LRRC4C: variants seen among roughly 807,000 people sequenced by gnomAD.
LRRC4C encodes leucine-rich repeat-containing protein 4C.
A neutral mutation model predicts 33.6 loss-of-function variants in LRRC4C; 5 were observed. That is an observed-to-expected ratio of 0.15 (90% CI 0.08 to 0.31). The LOEUF is 0.31. Ranked by LOEUF, LRRC4C falls within the 10% of genes least tolerant of loss-of-function variation. The pLI is 1.00. For synonymous variants in LRRC4C, 329 were observed against 302.0 expected, an observed-to-expected ratio of 1.09 and a Z score of -0.93; for missense variants, 560 against 796.7, an observed-to-expected ratio of 0.70 and a Z score of 3.58.
intron 3 of LRRC4C, among the ~76,000 whole-genome samples, chr11:40,351,371 T>C (rs2137083654): frequency 6.6e-6 from 1 of 152,162 alleles, no homozygotes; most frequent in African/African-American, 2.4e-5. Flanking sequence ...GAATGTGCAT[T>C]CTGCAGCTAC....
At chr11:40,468,581 C>T (rs916325704) in intron 3 of LRRC4C, among the ~76,000 whole-genome samples, 11 of 151,976 alleles carry the variant, frequency 7.2e-5, no homozygotes, top group Non-Finnish European at 1.5e-4. Flanking sequence ...TCACAGGAAA[C>T]AATAGCTTAA....
chr11:40,542,133 A>G (rs1368081844), intron 3 of LRRC4C, among the ~76,000 whole-genome samples: 1 of 148,086 alleles, frequency 6.8e-6, no homozygotes, highest in African/African-American at 2.5e-5. Context: ...TATGACTGCC[A>G]TAACACAGAC....
At chr11:40,657,894 G>A (rs989397417) in intron 2 of LRRC4C, among the ~76,000 whole-genome samples, 1 of 152,084 alleles carries the variant, frequency 6.6e-6, no homozygotes, top group African/African-American at 2.4e-5. Context: ...TTAGCTTCAT[G>A]TCCAGTTATA....
At chr11:40,810,873 C>A (rs758777151) in intron 2 of LRRC4C, among the ~76,000 whole-genome samples, 6 of 152,158 alleles carry the variant, frequency 3.9e-5, no homozygotes, top group Non-Finnish European at 7.3e-5. Flanking sequence ...CCTTTACAGT[C>A]CAGAATACTT....
chr11:41,337,005 C>T (rs1951477357), intron 1 of LRRC4C, among the ~76,000 whole-genome samples: 1 of 151,962 alleles, frequency 6.6e-6, no homozygotes, highest in African/African-American at 2.4e-5. Context: ...GAGGAATGTA[C>T]ACTACCAGAA....
intron 3 of LRRC4C, among the ~76,000 whole-genome samples, chr11:40,589,746 T>A (rs1019785483): frequency 6.6e-6 from 1 of 151,290 alleles, no homozygotes; most frequent in African/African-American, 2.4e-5. Context: ...AAACTTAGTT[T>A]GGCTGGATAT....
chr11:40,623,836 T>G (rs911705040), intron 3 of LRRC4C, among the ~76,000 whole-genome samples: 2 of 152,086 alleles, frequency 1.3e-5, no homozygotes, highest in Non-Finnish European at 2.9e-5. Context: ...GCTTTGGAAT[T>G]TGGTCCTTAT....
At chr11:40,259,773 C>G (rs1867539338) in intron 4 of LRRC4C, among the ~76,000 whole-genome samples, 1 of 152,076 alleles carries the variant, frequency 6.6e-6, no homozygotes. Context: ...TGATCTATAT[C>G]TCTGTTTTGG....
At chr11:40,732,118 T>G (rs978437637) in intron 2 of LRRC4C, among the ~76,000 whole-genome samples, 1 of 152,172 alleles carries the variant, frequency 6.6e-6, no homozygotes, top group Non-Finnish European at 1.5e-5. Context: ...ATTGCGTTTC[T>G]TCTGTTAATT....
intron 3 of LRRC4C, among the ~76,000 whole-genome samples, chr11:40,458,212 G>T (rs1375477981): frequency 6.6e-6 from 1 of 152,074 alleles, no homozygotes; most frequent in Non-Finnish European, 1.5e-5. Flanking sequence ...ACCAGCCATG[G>T]ACTGCCTGTG....
At chr11:40,776,469 A>G (rs1950000989) in intron 2 of LRRC4C, among the ~76,000 whole-genome samples, 1 of 151,850 alleles carries the variant, frequency 6.6e-6, no homozygotes, top group Admixed American at 6.6e-5. Context: ...GAGGTTGTGC[A>G]TTTCCAGGAA....
chr11:41,203,531 C>A (rs1293571934), intron 1 of LRRC4C, among the ~76,000 whole-genome samples: 1 of 152,184 alleles, frequency 6.6e-6, no homozygotes, highest in Non-Finnish European at 1.5e-5. Context: ...AGAGTCCCTG[C>A]ATCCCACATT....
chr11:41,360,044 A>G (rs1012550240), intron 1 of LRRC4C, among the ~76,000 whole-genome samples: 2 of 152,274 alleles, frequency 1.3e-5, no homozygotes, highest in Non-Finnish European at 2.9e-5. Context: ...TTAGCTGGGC[A>G]CAGTGGTGCA....
At chr11:41,453,044 TG>T (rs1956074604) in intron 1 of LRRC4C, among the ~76,000 whole-genome samples, 1 of 152,106 alleles carries the variant, frequency 6.6e-6, no homozygotes, top group African/African-American at 2.4e-5. Context: ...AGGTAAGATA[TG>T]GAAATACAGC....
chr11:41,121,433 C>T (rs540010431), intron 1 of LRRC4C, among the ~76,000 whole-genome samples: 63 of 152,164 alleles, frequency 4.1e-4, no homozygotes, highest in Non-Finnish European at 6.2e-4. Context: ...GATAAATTTG[C>T]GATATATTTT....
intron 2 of LRRC4C, among the ~76,000 whole-genome samples, chr11:40,748,330 G>A (rs1948528505): frequency 6.6e-6 from 1 of 152,090 alleles, no homozygotes; most frequent in African/African-American, 2.4e-5. Context: ...CAGAAATAAA[G>A]GAGAAATAGC....
At chr11:41,453,278 A>G (rs888691753) in intron 1 of LRRC4C, among the ~76,000 whole-genome samples, 1 of 152,172 alleles carries the variant, frequency 6.6e-6, no homozygotes, top group Non-Finnish European at 1.5e-5. Context: ...GTCAAAGTTA[A>G]ATAGAGATCT....
At chr11:41,033,336 T>C (rs1449645799) in intron 1 of LRRC4C, among the ~76,000 whole-genome samples, 1 of 151,988 alleles carries the variant, frequency 6.6e-6, no homozygotes, top group East Asian at 1.9e-4. Flanking sequence ...AGAGAAAATA[T>C]AAAGCAAAAC....
intron 3 of LRRC4C, among the ~76,000 whole-genome samples, chr11:40,343,695 CAGG>C (rs1273437018): frequency 9.7e-6 from 1 of 103,320 alleles, no homozygotes; most frequent in Non-Finnish European, 2.0e-5. Context: ...ATAACGAATC[CAGG>C]AGTTGTTTTT....
Sources: allele counts gnomAD v4.1 joint callset (sites outside exome capture counted in the v4.1 genomes callset), GRCh38; gene constraint gnomAD v4.1.1; transcripts MANE v1.5; gene names NCBI Gene and HGNC (gene_info 2026-07-23, HGNC 2026-07-21).